FBXO21: variants seen among roughly 807,000 people sequenced by gnomAD.
FBXO21 encodes the protein F-box only protein 21.
FBXO21 carries 32 observed loss-of-function variants against 76.6 expected under a neutral mutation model. The observed-to-expected ratio is 0.42, with a 90% CI of 0.32 to 0.56. The LOEUF is 0.56. Ranked by LOEUF, FBXO21 falls within the 20% of genes least tolerant of loss-of-function variation. The probability of loss-of-function intolerance (pLI) is 0.16; values close to 1 mark genes in which losing one functional copy is unlikely to be tolerated. For missense variants in FBXO21, 586 were observed against 797.3 expected (o/e 0.73, Z 3.19); for synonymous variants, 328 against 311.5 (o/e 1.05, Z -0.56).
intron 11 of FBXO21, among the ~76,000 whole-genome samples, chr12:117,150,992 G>C (rs1291976971): frequency 2.7e-5 from 4 of 149,936 alleles, no homozygotes; most frequent in African/African-American, 7.3e-5. Flanking sequence ...GTGTGTGTGT[G>C]TGTGTGTGTG....
At chr12:117,160,033 G>A (rs1955960268) in intron 9 of FBXO21, among the ~76,000 whole-genome samples, 1 of 152,124 alleles carries the variant, frequency 6.6e-6, no homozygotes, top group South Asian at 2.1e-4. Context: ...ACCACTTCTG[G>A]GGTGGAGATC....
intron 11 of FBXO21, chr12:117,154,138 G>C (rs184289986): frequency 6.6e-6 from 1 of 152,352 alleles, no homozygotes; most frequent in East Asian, 1.9e-4. Context: ...CAGTGGCCCA[G>C]TGAATCAGTC....
chr12:117,165,887 T>C (rs1956048275), intron 8 of FBXO21, among the ~76,000 whole-genome samples: 1 of 152,166 alleles, frequency 6.6e-6, no homozygotes, highest in Non-Finnish European at 1.5e-5. Flanking sequence ...ACACTGTACA[T>C]AATTAAAAAT....
intron 2 of FBXO21, among the ~76,000 whole-genome samples, chr12:117,188,423 T>C (rs1956307557): frequency 1.3e-5 from 2 of 152,108 alleles, no homozygotes; most frequent in Admixed American, 6.6e-5. Flanking sequence ...CGCATGCCTG[T>C]AGTCCCGGCT....
Position 117,155,691 on chromosome 12 carries a change from G to A in FBXO21, c.1675+100C>T, listed in dbSNP as rs537612840. ...CCATGGGGCGTCGGCCGCCTCTGAA[G>A]GAACCGATGGCCCACGCCCACAGTA... is the stretch of plus-strand genomic sequence containing the variant. On this transcript the variant is annotated intron_variant, in intron 11 of 11. Transcript: ENST00000622495. 3.7e-4 allele frequency: 506 copies of A among 1,349,598 alleles called. 2 individuals carry two copies. In the African/African-American group the frequency reaches 6.5e-3, roughly 17 times the overall value. The allele number at this position is 1,349,598 out of a possible 1,614,324, so 83.6% of individuals were successfully genotyped here.
intron 11 of FBXO21, among the ~76,000 whole-genome samples, chr12:117,152,855 C>G (rs1318438003): frequency 6.6e-6 from 1 of 152,152 alleles, no homozygotes; most frequent in Non-Finnish European, 1.5e-5. Flanking sequence ...ATATGGGAAT[C>G]ATTTACTGTT....
chr12:117,168,228 C>T (rs567953202), intron 7 of FBXO21, among the ~76,000 whole-genome samples: 3 of 152,206 alleles, frequency 2.0e-5, no homozygotes, highest in Admixed American at 6.5e-5. Context: ...TTATAACCTA[C>T]CCTTAGCAAG....
chr12:117,188,304 G>A lies in FBXO21; in HGVS notation c.375+923C>T, dbSNP rs759959069. ...TCACGCCTGTAATCCCAACACTTTG[G>A]TTTGCAGAGGCCGGCGGATCACTTG... is the stretch of plus-strand genomic sequence containing the variant. On this transcript the variant is annotated intron_variant, in intron 2 of 11. Transcript: ENST00000622495. Among the ~76,000 whole-genome samples the A allele has an allele frequency of 3.0e-4, 45 of 152,322 alleles. 1 individual carries two copies. The highest frequency in any genetic ancestry group is 5.9e-4 in the Non-Finnish European group (40 of 68,032).
chr12:117,171,193 G>A lies in FBXO21; in HGVS notation c.1013+1278C>T, dbSNP rs149618356. 5.1e-3 allele frequency among the ~76,000 whole-genome samples: 767 copies of A among 151,606 alleles called. 7 individuals carry two copies. The highest frequency in any genetic ancestry group is 0.014 in the African/African-American group (593 of 41,348). On this transcript the variant is annotated intron_variant, in intron 7 of 11. Transcript: ENST00000622495. ...AGCCTGGGCAACATGGCAAGACCCC[G>A]TCTCTACAAAAAAATTAGCCAGGTG...
In FBXO21 at chr12:117,189,358, G is replaced by A. The variant is rs1269530016; in HGVS notation, c.244C>T (p.Pro82Ser). ...GGGCTGTAGTGTTTCATAAGGGAAG[G>A]CCACCTACGAGGAGAGAAACACCCC... ...VWKEQFRVRW[P>S]SLMKHYSPTD... is the part of the protein sequence containing the mutation. Residue 82 changes from proline to serine, a missense_variant, in exon 2 of 12, where the codon CCT (proline) becomes TCT (serine). Pro to Ser is a moderately conservative substitution (Grantham distance 74). This residue lies in a region of FBXO21 where 152 missense variants were observed against 127.2 expected (regional missense o/e 1.19). Transcript: ENST00000622495. 1 of 1,614,130 alleles carries A rather than the reference G, an allele frequency of 6.2e-7. No individual in the cohort carries two copies. Among genetic ancestry groups the A allele is most frequent in the Non-Finnish European group, 8.5e-7 (1 of 1,180,022 alleles).
intron 11 of FBXO21, among the ~76,000 whole-genome samples, chr12:117,150,691 A>C (rs1955826971): frequency 6.6e-6 from 1 of 152,230 alleles, no homozygotes; most frequent in Non-Finnish European, 1.5e-5. Context: ...ACACGTGTGG[A>C]GGGATCGAGG....
At chr12:117,157,038 C>T (rs1955924154) in intron 10 of FBXO21, among the ~76,000 whole-genome samples, 1 of 151,930 alleles carries the variant, frequency 6.6e-6, no homozygotes, top group African/African-American at 2.4e-5. Flanking sequence ...AAAAAATTAG[C>T]CAGGCGTGGT....
At chr12:117,165,907 AGGCCG>A (rs1454126998) in intron 8 of FBXO21, among the ~76,000 whole-genome samples, 9 of 152,210 alleles carry the variant, frequency 5.9e-5, no homozygotes, top group Admixed American at 5.9e-4. Flanking sequence ...TGAATTCTGA[AGGCCG>A]GGCGCAGTGG....
At position 117,145,204 on chromosome 12, in the gene FBXO21, CAAAAAG is replaced by C. The variant is rs923779756; in HGVS notation, c.*877_*882del. 6 of 150,682 alleles carry C rather than the reference CAAAAAG, an allele frequency of 4.0e-5. No individual in the cohort carries two copies. Among genetic ancestry groups the C allele is most frequent in the African/African-American group, 1.5e-4 (6 of 40,928 alleles). The allele number at this position is 150,682 out of a possible 1,614,324, so 9.3% of individuals were successfully genotyped here. A position where few individuals can be genotyped will look rare whatever the true frequency, so the allele number is the denominator to read the frequency against. On this transcript the variant is annotated 3_prime_UTR_variant, in exon 12 of 12. Transcript: ENST00000622495. The stretch of plus-strand genomic sequence containing the variant: ...AACATCAGATTTGTATGTCTCACTA[CAAAAAG>C]AACCCATCACTGATGTAAGACCTAC...
chr12:117,188,878 TGA>T (rs1956315956), intron 2 of FBXO21: 3 of 237,386 alleles, frequency 1.3e-5, no homozygotes, highest in East Asian at 1.9e-4. Flanking sequence ...GTTCAATCAT[TGA>T]TGATTCCCCA....
rs896856144 is a variant in FBXO21 at position 117,166,898 on chromosome 12, C to T, written c.1193G>A (p.Arg398Gln). The change falls in exon 8 of 12, where the codon CGG becomes CAG. Residue 398 changes from arginine to glutamine, a missense_variant and splice_region_variant. Arg to Gln is a conservative substitution (Grantham distance 43, BLOSUM62 1). Transcript: ENST00000622495. Reference protein sequence around the residue: ...MVGNLLSLGKREGIDQSYQLL... With the variant: ...MVGNLLSLGKQEGIDQSYQLL... The stretch of plus-strand genomic sequence containing the variant: ...TACTAGAAAACCAAGAAAACCTTAC[C>T]GCTTCCCCAGGCTTAACAGGTTTCC... 2.5e-6 allele frequency: 4 copies of T among 1,613,708 alleles called. No individual in the cohort carries two copies. The highest frequency in any genetic ancestry group is 2.5e-6 in the Non-Finnish European group (3 of 1,179,680).
chr12:117,163,615 A>C (rs1956011433), intron 9 of FBXO21, among the ~76,000 whole-genome samples: 1 of 151,944 alleles, frequency 6.6e-6, no homozygotes, highest in African/African-American at 2.4e-5. Context: ...ACAAGTCTAA[A>C]GTAAAAAGTG....
chr12:117,189,443 G>A (rs1956322422), intron 1 of FBXO21, 81 bp from the exon 2 acceptor site: 1 of 1,528,324 alleles, frequency 6.5e-7, no homozygotes, highest in South Asian at 1.1e-5. Context: ...CTTGGAAACA[G>A]GGACAGCAGT....
At chr12:117,183,743 G>A (rs1043675628) in intron 3 of FBXO21, among the ~76,000 whole-genome samples, 1 of 152,086 alleles carries the variant, frequency 6.6e-6, no homozygotes, top group African/African-American at 2.4e-5. Flanking sequence ...TCTCCGCATT[G>A]TCCTTCTTGG....
Sources: gnomAD v4.1 joint callset for allele counts (sites outside exome capture counted in the v4.1 genomes callset) on GRCh38, gnomAD v4.1.1 for gene constraint, gnomAD v4.1.1 regional missense constraint, MANE v1.5 for transcripts, NCBI Gene and HGNC (gene_info 2026-07-23, HGNC 2026-07-21) for gene names.